The following ALG12 variants were observed in gnomAD, a reference collection of about 807,000 sequenced individuals.
ALG12 encodes the protein dol-P-Man:Man(7)GlcNAc(2)-PP-Dol alpha-1,6-mannosyltransferase.
In ALG12, 36 loss-of-function variants were observed where a neutral mutation model predicts 46.0. The observed-to-expected ratio is 0.78, with a 90% CI of 0.60 to 1.03. ALG12 has a LOEUF of 1.03. Among genes scored for constraint, ALG12 ranks in the 50% least tolerant of loss-of-function variants. ALG12 has a pLI of 0.00. For missense variants in ALG12, 599 were observed against 633.5 expected (o/e 0.95, Z 0.58); for synonymous variants, 326 against 291.6 (o/e 1.12, Z -1.20).
the ALG12 span, chr22:49,884,220 A>C: frequency 1.6e-5 from 25 of 1,601,546 alleles, no homozygotes; most frequent in Admixed American, 2.2e-4. Context: ...CCTCTCCCTC[A>C]CTCCTGCTTC....
the ALG12 span, chr22:49,883,763 C>T: frequency 6.2e-7 from 1 of 1,612,782 alleles, no homozygotes; most frequent in Admixed American, 1.7e-5. Context: ...GGAATTCCTC[C>T]TGATAGTTTG....
chr22:49,875,244 G>A, the ALG12 span, among the ~76,000 whole-genome samples: 1 of 150,070 alleles, frequency 6.7e-6, no homozygotes, highest in Non-Finnish European at 1.5e-5. Context: ...TTTCTTTAAT[G>A]TTTGGTAGAA....
Position 49,904,476 on chromosome 22 carries a change from G to A in ALG12, c.1023C>T (p.Tyr341=), listed in dbSNP as rs1257615213. The change falls in exon 8 of 10, where the codon TAC becomes TAT. Residue 341 remains tyrosine, a synonymous_variant. Transcript: ENST00000330817. Reference sequence around the variant, plus strand: ...CGATCACAAGCAGAGACCCCGCTTTGTACAGCCAAGACTTTTTATAGTTAT... The same window carrying A: ...CGATCACAAGCAGAGACCCCGCTTTATACAGCCAAGACTTTTTATAGTTAT... ...LLNNYKKSWL[Y]KAGSLLVIGH... is the part of the protein sequence containing the mutation. 1.2e-6 allele frequency: 2 copies of A among 1,614,060 alleles called. No homozygotes were observed. Among genetic ancestry groups the A allele is most frequent in the African/African-American group, 2.7e-5 (2 of 74,920 alleles).
At position 49,907,810 on chromosome 22, in the gene ALG12, G is replaced by A; in HGVS notation, c.903C>T (p.Leu301=). 1 of 1,614,054 alleles carries A rather than the reference G, an allele frequency of 6.2e-7. No individual in the cohort carries two copies. Among genetic ancestry groups the A allele is most frequent in the East Asian group, 2.2e-5 (1 of 44,888 alleles). ...PTVLALGFMA[L]YSLLPHKELR... ...GCTCCTTGTGTGGCAGGAGGGAGTA[G>A]AGTGCCATGAAGCCCAGTGCCAGCA... is the stretch of plus-strand genomic sequence containing the variant. Residue 301 remains leucine, a synonymous_variant, in exon 7 of 10, where the codon CTC becomes CTT. Transcript: ENST00000330817.
At chr22:49,859,690 C>A in the ALG12 span, among the ~76,000 whole-genome samples, 4 of 152,198 alleles carry the variant, frequency 2.6e-5, no homozygotes, top group Admixed American at 2.6e-4. Context: ...TGAGTTCAGT[C>A]AATTTGAATT....
the ALG12 span, among the ~76,000 whole-genome samples, chr22:49,871,904 C>T: frequency 2.6e-5 from 4 of 151,906 alleles, no homozygotes; most frequent in South Asian, 8.4e-4. Flanking sequence ...CACCAACATG[C>T]CCAGCTAATT....
the ALG12 span, among the ~76,000 whole-genome samples, chr22:49,864,466 C>G: frequency 6.6e-6 from 1 of 152,154 alleles, no homozygotes; most frequent in Admixed American, 6.6e-5. Flanking sequence ...ACAGATGCTT[C>G]GCAACTCAGG....
chr22:49,865,953 C>T, the ALG12 span, among the ~76,000 whole-genome samples: 1 of 151,904 alleles, frequency 6.6e-6, no homozygotes, highest in African/African-American at 2.4e-5. Context: ...TTCAAGCAGC[C>T]CTCCCGCCTC....
At chr22:49,894,053 T>C in the ALG12 span, among the ~76,000 whole-genome samples, 1 of 152,164 alleles carries the variant, frequency 6.6e-6, no homozygotes, top group Admixed American at 6.5e-5. Flanking sequence ...TAATCCCAGC[T>C]ACTCGGGAGG....
the ALG12 span, chr22:49,884,538 G>A: frequency 6.2e-7 from 1 of 1,614,004 alleles, no homozygotes; most frequent in Non-Finnish European, 8.5e-7. Context: ...CTGTCTGGAA[G>A]CACTTCTACC....
the ALG12 span, chr22:49,886,489 G>A: frequency 2.6e-6 from 4 of 1,564,572 alleles, no homozygotes; most frequent in South Asian, 1.2e-5. The surrounding 1 kb of genome is among the most constrained non-coding windows in gnomAD (Gnocchi z 7.7). Context: ...CTTCGAGGCT[G>A]CGAGCCGGGA....
chr22:49,877,826 G>T, the ALG12 span, among the ~76,000 whole-genome samples: 2 of 151,980 alleles, frequency 1.3e-5, no homozygotes, highest in Non-Finnish European at 2.9e-5. Context: ...CCCTCCTCCC[G>T]CCAGCACAGA....
At chr22:49,891,560 T>C in the ALG12 span, among the ~76,000 whole-genome samples, 2 of 152,236 alleles carry the variant, frequency 1.3e-5, no homozygotes, top group Non-Finnish European at 2.9e-5. Flanking sequence ...TGCTGACTTC[T>C]TTAGGGCACT....
chr22:49,887,024 T>A, the ALG12 span: 1 of 1,614,060 alleles, frequency 6.2e-7, no homozygotes. Context: ...GCCGTCAGAT[T>A]TTTGGGCTGC....
the ALG12 span, among the ~76,000 whole-genome samples, chr22:49,875,998 A>G: frequency 0.12 from 17,075 of 146,048 alleles, 1,337 homozygotes; most frequent in African/African-American, 0.22. Context: ...CTTGCTGCTT[A>G]CTTTGGGATT....
the ALG12 span, among the ~76,000 whole-genome samples, chr22:49,892,187 C>CAAAAAAAA: frequency 5.4e-5 from 3 of 55,320 alleles, no homozygotes; most frequent in South Asian, 8.3e-4. Flanking sequence ...GACTCTGTCT[C>CAAAAAAAA]AAAAAAAAAA....
intron 2 of ALG12, 23 bp from the exon 3 acceptor site, chr22:49,913,540 G>T: frequency 6.2e-7 from 1 of 1,613,960 alleles, no homozygotes; most frequent in Non-Finnish European, 8.5e-7. Context: ...GGGCAGGTCA[G>T]TGCACCGGGG....
chr22:49,903,848 C>G lies in ALG12; in HGVS notation c.1457G>C (p.Arg486Pro). 1.9e-6 allele frequency: 3 copies of G among 1,614,164 alleles called. No homozygotes were observed. Among genetic ancestry groups the G allele is most frequent in the South Asian group, 2.2e-5 (2 of 91,090 alleles). ...TKLVLLERLP[R>P]PS ...GCTGCCTGGTCCCCCTCAGGACGGC[C>G]GGGGGAGCCTCTCCAGAAGCACCAG... Residue 486 changes from arginine (R) to proline (P), a missense_variant, in exon 10 of 10, where the codon CGG becomes CCG. Arg to Pro is a moderately radical substitution (Grantham distance 103). Transcript: ENST00000330817.
the ALG12 span, among the ~76,000 whole-genome samples, chr22:49,880,101 A>C: frequency 6.7e-6 from 1 of 149,038 alleles, no homozygotes; most frequent in African/African-American, 2.4e-5. Flanking sequence ...TAGTAAAGTT[A>C]ATCATAGACC....
Sources: gnomAD v4.1 joint callset for allele counts (sites outside exome capture counted in the v4.1 genomes callset) on GRCh38, gnomAD v4.1.1 for gene constraint, Gnocchi (gnomAD v3.1) non-coding constraint, MANE v1.5 for transcripts, NCBI Gene and HGNC (gene_info 2026-07-23, HGNC 2026-07-21) for gene names.